Variants in EIF4G3 observed in about 807,000 individuals in gnomAD.
EIF4G3 encodes the protein eIF-4-gamma 3.
Under a neutral mutation model 186.4 loss-of-function variants are expected in EIF4G3, and 34 were observed. That is an observed-to-expected ratio of 0.18 (90% confidence interval 0.14 to 0.24). EIF4G3 has a LOEUF of 0.24. EIF4G3 is among the 10% of genes least tolerant of loss of function. The probability of loss-of-function intolerance (pLI) is 1.00; values close to 1 mark genes in which losing one functional copy is unlikely to be tolerated. For synonymous variants in EIF4G3, 673 were observed against 679.5 expected, an observed-to-expected ratio of 0.99 and a Z score of 0.15; for missense variants, 1,536 against 1,948.5, an observed-to-expected ratio of 0.79 and a Z score of 3.99.
chr1:21,129,361 A>T (rs1040913563), intron 2 of EIF4G3, among the ~76,000 whole-genome samples: 5 of 152,174 alleles, frequency 3.3e-5, no homozygotes, highest in Non-Finnish European at 7.3e-5. Context: ...CTCAAAGTTA[A>T]GTGTGGACTG....
intron 11 of EIF4G3, among the ~76,000 whole-genome samples, chr1:20,971,960 G>C (rs1221590009): frequency 6.6e-6 from 1 of 152,108 alleles, no homozygotes; most frequent in African/African-American, 2.4e-5. Context: ...TATTAAGTTA[G>C]AGTAATTCAA....
At chr1:21,001,101 G>T in intron 6 of EIF4G3, 98 bp downstream of exon 6, 1 of 440,616 alleles carries the variant, frequency 2.3e-6, no homozygotes. Flanking sequence ...AGCAATCAAT[G>T]CATTTCTGTT....
chr1:21,079,763 T>C lies in EIF4G3; in HGVS notation c.-196+9375A>G, dbSNP rs982938324. On this transcript the variant is annotated intron_variant, in intron 3 of 36. Coordinates refer to ENST00000602326, the MANE Select transcript of EIF4G3 (RefSeq NM_001391906.1). ...GCTCATGCCTGTAATCCCAGCACTT[T>C]GGAAGGCTGAGGCGGGAGAATTGCT... Among the ~76,000 whole-genome samples the C allele has an allele frequency of 2.6e-5, 4 of 151,754 alleles. No homozygotes were observed. The East Asian group carries it at 7.7e-4, about 29-fold the overall frequency.
chr1:21,135,008 G>A (rs748886964), intron 2 of EIF4G3, among the ~76,000 whole-genome samples: 9 of 152,010 alleles, frequency 5.9e-5, no homozygotes, highest in Non-Finnish European at 8.8e-5. Context: ...TAAATTTCAC[G>A]TAATACATCA....
chr1:20,868,175 T>C (rs555575766), intron 20 of EIF4G3, among the ~76,000 whole-genome samples: 1 of 139,934 alleles, frequency 7.1e-6, no homozygotes, highest in South Asian at 2.3e-4. Context: ...CACTGGGTGG[T>C]CAAGAGACCC....
Position 20,937,070 on chromosome 1 carries a change from A to G in EIF4G3, c.1663+4421T>C, listed in dbSNP as rs547409538. Among the ~76,000 whole-genome samples the G allele has an allele frequency of 1.0e-3, 158 of 152,312 alleles. 2 individuals carry two copies. The highest frequency in any genetic ancestry group is 3.6e-3 in the African/African-American group (148 of 41,570). On this transcript the variant is annotated intron_variant, in intron 14 of 36. Transcript: ENST00000602326. ...CAATGAATTTGTATTTTTAACACCC[A>G]TAAGAAAAGAGAGATCTTGGATCCC... is the stretch of plus-strand genomic sequence containing the variant.
At chr1:20,989,883 A>G (rs1382842581) in intron 7 of EIF4G3, among the ~76,000 whole-genome samples, 1 of 152,202 alleles carries the variant, frequency 6.6e-6, no homozygotes, top group Admixed American at 6.5e-5. Flanking sequence ...TTCATGAAAT[A>G]AAGAGTCCAC....
At chr1:20,964,162 T>C (rs1409879451) in intron 12 of EIF4G3, among the ~76,000 whole-genome samples, 1 of 152,246 alleles carries the variant, frequency 6.6e-6, no homozygotes, top group African/African-American at 2.4e-5. Context: ...TTCTTCCTTC[T>C]TTCCCACTTT....
intron 3 of EIF4G3, among the ~76,000 whole-genome samples, chr1:21,063,709 G>A (rs1316234789): frequency 2.5e-5 from 1 of 40,120 alleles, no homozygotes. Context: ...TCATTTTGGG[G>A]GGGGGGGTGT....
At position 20,999,606 on chromosome 1, in the gene EIF4G3, G is replaced by T. The variant is rs189863209; in HGVS notation, c.144+1593C>A. ...AAAGAGAATTTTCTATGAACAAGAA[G>T]AGTATCTTATAAAATTACATATATA... On this transcript the variant is annotated intron_variant, in intron 6 of 36. Transcript: ENST00000602326. The T allele has an allele frequency of 8.4e-6, 3 of 357,580 alleles. No individual in the cohort carries two copies. The East Asian group carries it at 2.4e-4, about 28-fold the overall frequency. 22.2% of individuals were successfully genotyped at this position (357,580 alleles called of 1,614,324 possible).
At chr1:20,826,493 T>TC (rs1340102169) in intron 32 of EIF4G3, among the ~76,000 whole-genome samples, 2 of 136,416 alleles carry the variant, frequency 1.5e-5, no homozygotes, top group Admixed American at 1.5e-4. Context: ...TTTTTTTTTT[T>TC]TTTTTTTTTT....
At chr1:21,038,131 C>T (rs1011677430) in intron 4 of EIF4G3, among the ~76,000 whole-genome samples, 11 of 152,304 alleles carry the variant, frequency 7.2e-5, no homozygotes, top group African/African-American at 2.2e-4. Flanking sequence ...TGGCTTTCTG[C>T]CCCTCAGAAG....
At chr1:20,890,469 G>C (rs1356749335) in intron 18 of EIF4G3, among the ~76,000 whole-genome samples, 1 of 152,004 alleles carries the variant, frequency 6.6e-6, no homozygotes, top group Non-Finnish European at 1.5e-5. Flanking sequence ...TTGAGACAGA[G>C]CCTCACTCTG....
At chr1:20,814,052 T>C (rs1283723896) in intron 34 of EIF4G3, among the ~76,000 whole-genome samples, 1 of 147,440 alleles carries the variant, frequency 6.8e-6, no homozygotes, top group African/African-American at 2.5e-5. Flanking sequence ...GTTCAAGCGA[T>C]TCTCCTGCCT....
chr1:20,857,338 G>A (rs1394822413), intron 25 of EIF4G3, 65 bp downstream of exon 25: 1 of 1,231,344 alleles, frequency 8.1e-7, no homozygotes, highest in Non-Finnish European at 1.2e-6. Flanking sequence ...GTGTGTGTGT[G>A]TGTGTGTTTT....
At position 20,981,761 on chromosome 1, in the gene EIF4G3, C is replaced by T. The variant is rs555343801; in HGVS notation, c.199-534G>A. ...GTATATACACATACATATATGTATA[C>T]ACACATACTGTATATATACATACAT... On this transcript the variant is annotated intron_variant, in intron 8 of 36. Transcript: ENST00000602326. 1.7e-4 allele frequency among the ~76,000 whole-genome samples: 22 copies of T among 132,726 alleles called. 1 individual carries two copies. Among genetic ancestry groups the T allele is most frequent in the Admixed American group, 4.3e-4 (5 of 11,568 alleles). The allele number at this position is 132,726 out of a possible 152,430, so 87.1% of individuals were successfully genotyped here.
At chr1:21,148,290 T>C (rs1180048045) in intron 2 of EIF4G3, among the ~76,000 whole-genome samples, 1 of 152,138 alleles carries the variant, frequency 6.6e-6, no homozygotes, top group Admixed American at 6.6e-5. Flanking sequence ...AGGTTGGTCT[T>C]GAACTCCCGG....
At chr1:21,092,173 C>A (rs2096227523) in intron 2 of EIF4G3, among the ~76,000 whole-genome samples, 1 of 152,072 alleles carries the variant, frequency 6.6e-6, no homozygotes, top group South Asian at 2.1e-4. Context: ...CCCATCAATA[C>A]CTAATTTATT....
chr1:21,125,497 T>A (rs1045220460), intron 2 of EIF4G3, among the ~76,000 whole-genome samples: 21 of 151,986 alleles, frequency 1.4e-4, no homozygotes, highest in African/African-American at 5.1e-4. Context: ...GGCAGGCAGA[T>A]CACCTGAGGT....
Sources: allele counts gnomAD v4.1 joint callset (sites outside exome capture counted in the v4.1 genomes callset), GRCh38; gene constraint gnomAD v4.1.1; transcripts MANE v1.5; gene names NCBI Gene and HGNC (gene_info 2026-07-23, HGNC 2026-07-21).